Variants in KIF17 observed in about 807,000 individuals in gnomAD.
The protein encoded by KIF17 is kinesin family member 17.
A neutral mutation model predicts 96.8 loss-of-function variants in KIF17; 80 were observed. The observed-to-expected ratio is 0.83, with a 90% CI of 0.69 to 1.00. KIF17 has a LOEUF of 1.00. Among genes scored for constraint, KIF17 ranks in the 50% least tolerant of loss-of-function variants. KIF17 has a pLI of 0.00. For synonymous variants in KIF17, 567 were observed against 587.5 expected, an observed-to-expected ratio of 0.97 and a Z score of 0.51; for missense variants, 1,280 against 1,372.9, an observed-to-expected ratio of 0.93 and a Z score of 1.07.
rs1057424986 is a variant in KIF17 at position 20,685,898 on chromosome 1, G to C, written c.2019+148C>G. The C allele has an allele frequency of 4.2e-6, 3 of 715,952 alleles. No individual in the cohort carries two copies. The highest frequency in any genetic ancestry group is 3.6e-5 in the African/African-American group (2 of 56,292). 44.3% of individuals were successfully genotyped at this position (715,952 alleles called of 1,614,324 possible). On this transcript the variant is annotated intron_variant, in intron 9 of 14. Transcript: ENST00000400463. The surrounding 1 kb of genome is among the most constrained non-coding windows in gnomAD (Gnocchi z 4.1). Reference sequence around the variant, plus strand: ...CTCCCACTGCACACTGCCTGGCCACGGGCCACAAGCCCGGGGAAGGCTGGA... The same window carrying C: ...CTCCCACTGCACACTGCCTGGCCACCGGCCACAAGCCCGGGGAAGGCTGGA...
chr1:20,666,960 A>G (rs2053540379), intron 13 of KIF17, among the ~76,000 whole-genome samples: 1 of 152,124 alleles, frequency 6.6e-6, no homozygotes, highest in Admixed American at 6.6e-5. Context: ...TGCACCAATC[A>G]CAGAACCACA....
At chr1:20,705,739 C>T (rs1309952451) in intron 4 of KIF17, among the ~76,000 whole-genome samples, 1 of 152,098 alleles carries the variant, frequency 6.6e-6, no homozygotes, top group East Asian at 1.9e-4. Flanking sequence ...ACCAGATGTG[C>T]TCTTGCACCC....
intron 13 of KIF17, among the ~76,000 whole-genome samples, chr1:20,669,722 A>C (rs1307877344): frequency 6.7e-6 from 1 of 148,766 alleles, no homozygotes; most frequent in Non-Finnish European, 1.5e-5. Context: ...AAATACAAAA[A>C]TTAGCTGGGC....
In KIF17 at chr1:20,687,865, C is replaced by A. The variant is rs774735815; in HGVS notation, c.1461G>T (p.Pro487=). ...CCACTGTCTCATACTGAAAAGCAGG[C>A]GGGTACTCAGCGCTGCTGGCAAACT... The part of the protein sequence containing the change: ...RAEFASSAEY[P]PAFQYETVVK... The change falls in exon 8 of 15, where the codon CCG becomes CCT. Residue 487 remains proline, a synonymous_variant. Coordinates refer to ENST00000400463, the MANE Select transcript of KIF17 (RefSeq NM_001122819.3). This position sits in a 1 kb window ranked among gnomAD's most constrained non-coding sequence, Gnocchi z 4.4. 28 of 1,613,810 alleles carry A rather than the reference C, an allele frequency of 1.7e-5. No homozygotes were observed. In the Admixed American group the frequency reaches 4.2e-4, roughly 24 times the overall value.
rs761910251 is a variant in KIF17 at position 20,687,371 on chromosome 1, T to C, written c.1938+17A>G. ...CCTGCTCAGTGTTCACATGGCACCATGCGTGACATCAGCTACCTGCACAGG... is the reference window on the plus strand; with the variant it reads ...CCTGCTCAGTGTTCACATGGCACCACGCGTGACATCAGCTACCTGCACAGG... On this transcript the variant is annotated intron_variant, in intron 8 of 14. Coordinates refer to ENST00000400463, the MANE Select transcript of KIF17 (RefSeq NM_001122819.3). This position sits in a 1 kb window ranked among gnomAD's most constrained non-coding sequence, Gnocchi z 4.4. The C allele has an allele frequency of 1.2e-6, 2 of 1,611,916 alleles. No homozygotes were observed. Among genetic ancestry groups the C allele is most frequent in the Non-Finnish European group, 1.7e-6 (2 of 1,179,428 alleles).
At chr1:20,669,575 A>AAATAAAATAC (rs2053601853) in intron 13 of KIF17, among the ~76,000 whole-genome samples, 1 of 144,864 alleles carries the variant, frequency 6.9e-6, no homozygotes, top group Non-Finnish European at 1.5e-5. Context: ...AAATAAAATA[A>AAATAAAATAC]AATAAAATAA....
chr1:20,675,713 G>A (rs1471737514), intron 11 of KIF17, among the ~76,000 whole-genome samples: 1 of 152,168 alleles, frequency 6.6e-6, no homozygotes, highest in Non-Finnish European at 1.5e-5. Flanking sequence ...AAACCAGCGG[G>A]AACTCTAATG....
At chr1:20,681,935 C>T (rs1003864990) in intron 11 of KIF17, among the ~76,000 whole-genome samples, 4 of 152,250 alleles carry the variant, frequency 2.6e-5, no homozygotes, top group Non-Finnish European at 4.4e-5. Context: ...GAAAGCACTT[C>T]GTAGAAATGA....
rs762833089 is a variant in KIF17 at position 20,687,475 on chromosome 1, G to A, written c.1851C>T (p.Ala617=). 11 of 1,613,842 alleles carry A rather than the reference G, an allele frequency of 6.8e-6. No individual in the cohort carries two copies. Among genetic ancestry groups the A allele is most frequent in the East Asian group, 4.5e-5 (2 of 44,874 alleles). The change falls in exon 8 of 15, where the codon GCC becomes GCT. Residue 617 remains alanine, a synonymous_variant. Transcript: ENST00000400463. This position sits in a 1 kb window ranked among gnomAD's most constrained non-coding sequence, Gnocchi z 4.4. ...QGLLGLQDPF[A]EVEAKLARLS... is the part of the protein sequence containing the mutation. ...GTCTGGCCAGCTTGGCTTCCACCTCGGCAAACGGGTCCTGCAGGCCTAGTA... is the reference window on the plus strand; with the variant it reads ...GTCTGGCCAGCTTGGCTTCCACCTCAGCAAACGGGTCCTGCAGGCCTAGTA...
chr1:20,704,773 G>A lies in KIF17; in HGVS notation c.797C>T (p.Ser266Leu), dbSNP rs757329825. Reference protein sequence around the residue: ...RLKEATKINLSLSALGNVISA... With the variant: ...RLKEATKINLLLSALGNVISA... The stretch of plus-strand genomic sequence containing the variant: ...GATGACATTGCCCAGTGCCGAGAGC[G>A]ACAGGTTGATCTTGGTGGCCTCCTT... The change falls in exon 5 of 15, where the codon TCG becomes TTG. Residue 266 changes from serine to leucine, a missense_variant. Ser to Leu is a moderately radical substitution (Grantham distance 145). Coordinates refer to ENST00000400463, the MANE Select transcript of KIF17 (RefSeq NM_001122819.3). This position sits in a 1 kb window ranked among gnomAD's most constrained non-coding sequence, Gnocchi z 6.8. 14 of 1,611,576 alleles carry A rather than the reference G, an allele frequency of 8.7e-6. No individual in the cohort carries two copies. The highest frequency in any genetic ancestry group is 1.7e-4 in the Middle Eastern group (1 of 6,060).
rs2053708540 is a variant in KIF17, at chr1:20,674,786, AGTTGTCCCCGCACCAT to A, written c.2464-2606_2464-2591del. Among the ~76,000 whole-genome samples the A allele has an allele frequency of 3.3e-5, 5 of 152,184 alleles. 1 individual carries two copies. The South Asian group carries it at 1.0e-3, about 32-fold the overall frequency. The stretch of plus-strand genomic sequence containing the variant: ...ATTATTCATTGGCATGTGAATATCC[AGTTGTCCCCGCACCAT>A]TTATTGACAAGACTGTCCTTTCACC... On this transcript the variant is annotated intron_variant, in intron 11 of 14. Transcript: ENST00000400463.
At chr1:20,717,377 G>C in intron 1 of KIF17, 99 bp downstream of exon 1, 1 of 1,390,774 alleles carries the variant, frequency 7.2e-7, no homozygotes, top group Admixed American at 2.0e-5. Flanking sequence ...GCCCCTCGAG[G>C]GCCTTTCCTC....
chr1:20,704,711 A>G lies in KIF17; in HGVS notation c.859T>C (p.Tyr287His). Residue 287 changes from tyrosine to histidine, a missense_variant, in exon 5 of 15, where the codon TAC (tyrosine) becomes CAC (histidine). Physicochemically the swap from Tyr to His is moderately conservative, Grantham distance 83. Transcript: ENST00000400463. The surrounding 1 kb of genome is among the most constrained non-coding windows in gnomAD (Gnocchi z 6.8). ...AGCCGCGTCAGCTTCGAGTCACGGT[A>G]GGGGACGTGCTTACAGCGCCCGTCC... The part of the protein sequence containing the change: ...LVDGRCKHVP[Y>H]RDSKLTRLLQ... The G allele has an allele frequency of 6.2e-7, 1 of 1,613,832 alleles. No individual in the cohort carries two copies. The highest frequency in any genetic ancestry group is 8.5e-7 in the Non-Finnish European group (1 of 1,179,876).
chr1:20,687,602 T>G lies in KIF17; in HGVS notation c.1724A>C (p.Tyr575Ser), dbSNP rs1319082149. The G allele has an allele frequency of 6.2e-7, 1 of 1,614,054 alleles. No homozygotes were observed. The highest frequency in any genetic ancestry group is 1.1e-5 in the South Asian group (1 of 91,070). The change falls in exon 8 of 15, where the codon TAC becomes TCC. Residue 575 changes from tyrosine to serine, a missense_variant. Physicochemically the swap from Tyr to Ser is moderately radical, Grantham distance 144. Coordinates refer to ENST00000400463, the MANE Select transcript of KIF17 (RefSeq NM_001122819.3). The surrounding 1 kb of genome is among the most constrained non-coding windows in gnomAD (Gnocchi z 4.4). The stretch of plus-strand genomic sequence containing the variant: ...CTGCCCGAGGCACTCATCCAGGAAG[T>G]ATCTGCTCCTGGACTCCTCAGTGGG... ...SMPTEESRSRYFLDECLGQEA... is the reference protein window; with the variant it reads ...SMPTEESRSRSFLDECLGQEA...
At chr1:20,683,770 G>T (rs2053876687) in intron 10 of KIF17, among the ~76,000 whole-genome samples, 1 of 152,332 alleles carries the variant, frequency 6.6e-6, no homozygotes, top group Non-Finnish European at 1.5e-5. Context: ...CCACTCTGCG[G>T]TTCACTCCAG....
intron 3 of KIF17, among the ~76,000 whole-genome samples, chr1:20,711,517 A>C (rs1034071814): frequency 1.3e-5 from 2 of 152,178 alleles, no homozygotes; most frequent in Non-Finnish European, 2.9e-5. Flanking sequence ...GGCAAGGATG[A>C]GAGAGGGGAG....
In KIF17 at chr1:20,704,971, C is replaced by T. The variant is rs540342857; in HGVS notation, c.671-72G>A. Reference sequence around the variant, plus strand: ...TGTATCGAGGGCAATCAGTGCCAGGCACTGGGTGCTCAATGCCCACCCACC... The same window carrying T: ...TGTATCGAGGGCAATCAGTGCCAGGTACTGGGTGCTCAATGCCCACCCACC... On this transcript the variant is annotated intron_variant, in intron 4 of 14. Coordinates refer to ENST00000400463, the MANE Select transcript of KIF17 (RefSeq NM_001122819.3). This position sits in a 1 kb window ranked among gnomAD's most constrained non-coding sequence, Gnocchi z 6.8. The T allele has an allele frequency of 1.4e-6, 2 of 1,393,258 alleles. No homozygotes were observed. Among genetic ancestry groups the T allele is most frequent in the South Asian group, 1.2e-5 (1 of 86,392 alleles). 86.3% of individuals were successfully genotyped at this position (1,393,258 alleles called of 1,614,324 possible).
At position 20,717,836 on chromosome 1, in the gene KIF17, C is replaced by A. The variant is rs1324792569; in HGVS notation, c.-130G>T. The A allele has an allele frequency of 2.4e-5, 20 of 848,604 alleles. No homozygotes were observed. Among genetic ancestry groups the A allele is most frequent in the Non-Finnish European group, 2.9e-5 (20 of 679,072 alleles). The allele number at this position is 848,604 out of a possible 1,614,324, so 52.6% of individuals were successfully genotyped here. The stretch of plus-strand genomic sequence containing the variant: ...GGGCCTTGAGGCAGGGGCGGGGCCG[C>A]GGCGGGGGGCGGGGACCCCTCGGGG... On this transcript the variant is annotated 5_prime_UTR_variant, in exon 1 of 15. Transcript: ENST00000400463.
At chr1:20,686,253 G>A in intron 8 of KIF17, 127 bp from the exon 9 acceptor site, 6 of 754,964 alleles carry the variant, frequency 7.9e-6, no homozygotes, top group South Asian at 4.4e-5. Context: ...TCCCCTGCCT[G>A]TCACTCCCGA....
Sources: allele counts gnomAD v4.1 joint callset (sites outside exome capture counted in the v4.1 genomes callset), GRCh38; gene constraint gnomAD v4.1.1; non-coding constraint Gnocchi (gnomAD v3.1); transcripts MANE v1.5; gene names NCBI Gene and HGNC (gene_info 2026-07-23, HGNC 2026-07-21).